The following HECW1 variants were observed in gnomAD, a reference collection of about 807,000 sequenced individuals.
The protein encoded by HECW1 is E3 ubiquitin-protein ligase HECW1.
A neutral mutation model predicts 182.3 loss-of-function variants in HECW1; 61 were observed. The observed-to-expected ratio is 0.33, with a 90% CI of 0.27 to 0.41. The LOEUF (loss-of-function observed/expected upper bound fraction) is 0.41, where lower values mean the gene tolerates loss of function less well. HECW1 is among the 10% of genes least tolerant of loss of function. The probability of loss-of-function intolerance (pLI) is 1.00; values close to 1 mark genes in which losing one functional copy is unlikely to be tolerated. For synonymous variants in HECW1, 859 were observed against 832.6 expected (o/e 1.03, Z -0.55); for missense variants, 1,739 against 2,108.9 (o/e 0.82, Z 3.44).
intron 2 of HECW1, among the ~76,000 whole-genome samples, chr7:43,238,228 G>A (rs140619933): frequency 2.6e-5 from 4 of 152,302 alleles, no homozygotes; most frequent in African/African-American, 9.6e-5. Flanking sequence ...ATAAAGCGCT[G>A]CATTGGGAGG....
At chr7:43,437,934 A>T in intron 8 of HECW1, 69 bp from the exon 9 acceptor site, 1 of 1,500,940 alleles carries the variant, frequency 6.7e-7, no homozygotes. Context: ...GCATCAAGGC[A>T]GATGGACTGG....
chr7:43,370,332 A>G (rs756974948), intron 6 of HECW1, among the ~76,000 whole-genome samples: 1 of 152,216 alleles, frequency 6.6e-6, no homozygotes, highest in Non-Finnish European at 1.5e-5. Context: ...AATAGCCAAA[A>G]TCCAAACACT....
chr7:43,480,133 A>G (rs1488097083), intron 17 of HECW1, among the ~76,000 whole-genome samples: 1 of 152,104 alleles, frequency 6.6e-6, no homozygotes, highest in Admixed American at 6.5e-5. Flanking sequence ...TCTCCAAAAC[A>G]TCCTAGAAAA....
intron 19 of HECW1, among the ~76,000 whole-genome samples, chr7:43,494,921 C>T (rs995748061): frequency 8.5e-5 from 13 of 152,188 alleles, no homozygotes; most frequent in Admixed American, 3.3e-4. Flanking sequence ...ACCTCCACCA[C>T]ACAGGCTGCG....
intron 3 of HECW1, among the ~76,000 whole-genome samples, chr7:43,248,127 G>A: frequency 6.6e-6 from 1 of 151,880 alleles, no homozygotes; most frequent in East Asian, 1.9e-4. Flanking sequence ...GAGGAGGAGA[G>A]GTGAGGAGAG....
intron 3 of HECW1, among the ~76,000 whole-genome samples, chr7:43,293,047 A>G (rs1396958004): frequency 6.6e-6 from 1 of 151,932 alleles, no homozygotes; most frequent in African/African-American, 2.4e-5. Context: ...ACACGGTGAA[A>G]CCCCATCTCT....
chr7:43,431,760 G>A (rs1206061580), intron 8 of HECW1, among the ~76,000 whole-genome samples: 1 of 152,146 alleles, frequency 6.6e-6, no homozygotes, highest in Non-Finnish European at 1.5e-5. Context: ...TGACCCAGAG[G>A]TAGTAAGCCA....
chr7:43,247,058 G>T (rs11978689), intron 3 of HECW1, among the ~76,000 whole-genome samples: 5 of 152,070 alleles, frequency 3.3e-5, no homozygotes, highest in Non-Finnish European at 7.4e-5. Context: ...ACTAGGCAAT[G>T]AATCTGTTCT....
intron 27 of HECW1, 122 bp downstream of exon 27, chr7:43,550,713 G>A: frequency 2.1e-6 from 2 of 951,838 alleles, no homozygotes; most frequent in Non-Finnish European, 3.1e-6. Flanking sequence ...GGAGAGCCAA[G>A]GTGGGCAGTG....
In HECW1 at chr7:43,564,328, A is replaced by G. The variant is rs2082281396; in HGVS notation, c.*2402A>G. 1.1e-5 allele frequency: 2 copies of G among 186,338 alleles called. No homozygotes were observed. Among genetic ancestry groups the G allele is most frequent in the Admixed American group, 6.2e-5 (1 of 16,136 alleles). The allele number at this position is 186,338 out of a possible 1,614,324, so 11.5% of individuals were successfully genotyped here. On this transcript the variant is annotated 3_prime_UTR_variant, in exon 30 of 30. Transcript: ENST00000395891. ...ATTGGAAAAGGAGAAAGCTGTTTAC[A>G]AGATGGACCAGCTCCTGGAGAGCTT...
At chr7:43,414,553 T>G (rs1157653317) in intron 8 of HECW1, among the ~76,000 whole-genome samples, 9 of 150,556 alleles carry the variant, frequency 6.0e-5, no homozygotes, top group South Asian at 2.1e-4. Context: ...AGGGAATGCT[T>G]CCAGTTTTTG....
At chr7:43,353,067 A>G (rs1488775624) in intron 5 of HECW1, among the ~76,000 whole-genome samples, 1 of 152,126 alleles carries the variant, frequency 6.6e-6, no homozygotes, top group Non-Finnish European at 1.5e-5. Context: ...CAATCTGTGT[A>G]TAAATATACA....
In HECW1 at chr7:43,382,221, G is replaced by A. The variant is rs183996315; in HGVS notation, c.556-14593G>A. Among the ~76,000 whole-genome samples the A allele has an allele frequency of 1.0e-2, 1,518 of 152,054 alleles. 12 individuals carry two copies. The highest frequency in any genetic ancestry group is 0.036 in the South Asian group (175 of 4,810). ...GAATGGCGTGAACCCAGGAGGCGGA[G>A]CTTGCAGTGAGCCGAGATCGCGCCA... On this transcript the variant is annotated intron_variant, in intron 6 of 29. Transcript: ENST00000395891.
intron 2 of HECW1, among the ~76,000 whole-genome samples, chr7:43,224,716 G>C (rs186500052): frequency 1.3e-5 from 2 of 152,340 alleles, no homozygotes; most frequent in Admixed American, 1.3e-4. Flanking sequence ...TCAGTAAGCT[G>C]AAGTGAGAGG....
intron 2 of HECW1, among the ~76,000 whole-genome samples, chr7:43,115,179 A>G (rs1250662944): frequency 6.6e-6 from 1 of 152,222 alleles, no homozygotes; most frequent in African/African-American, 2.4e-5. Flanking sequence ...AACGTGAACC[A>G]TGCAAGCAAA....
At chr7:43,307,286 T>C (rs1807698390) in intron 3 of HECW1, among the ~76,000 whole-genome samples, 1 of 152,210 alleles carries the variant, frequency 6.6e-6, no homozygotes, top group African/African-American at 2.4e-5. Context: ...ATTGCTGATA[T>C]TCTTGTGGTC....
At chr7:43,221,780 C>T (rs981367993) in intron 2 of HECW1, among the ~76,000 whole-genome samples, 13 of 151,800 alleles carry the variant, frequency 8.6e-5, no homozygotes, top group African/African-American at 2.9e-4. Context: ...GTGTCGATCT[C>T]GCAATCTGCC....
chr7:43,216,982 C>G (rs1305630651), intron 2 of HECW1, among the ~76,000 whole-genome samples: 1 of 152,098 alleles, frequency 6.6e-6, no homozygotes, highest in African/African-American at 2.4e-5. Context: ...CATCCTTGCA[C>G]CAGAGGGACC....
intron 8 of HECW1, among the ~76,000 whole-genome samples, chr7:43,435,651 CT>C (rs1463541863): frequency 6.6e-6 from 1 of 152,122 alleles, no homozygotes; most frequent in African/African-American, 2.4e-5. Context: ...AGGGGGAGCT[CT>C]TTTTGCCTCT....
Sources: gnomAD v4.1 joint callset for allele counts (sites outside exome capture counted in the v4.1 genomes callset) on GRCh38, gnomAD v4.1.1 for gene constraint, MANE v1.5 for transcripts, NCBI Gene and HGNC (gene_info 2026-07-23, HGNC 2026-07-21) for gene names.